Variants in RAI2 observed in about 807,000 individuals in gnomAD.
RAI2 encodes retinoic acid-induced protein 2.
A neutral mutation model predicts 15.3 loss-of-function variants in RAI2; 5 were observed. That is an observed-to-expected ratio of 0.33 (90% CI 0.17 to 0.69). The LOEUF is 0.69. RAI2 is among the 30% of genes least tolerant of loss of function. The pLI, the probability that RAI2 is intolerant of heterozygous loss-of-function variation, is 0.69. For missense variants in RAI2, 424 were observed against 424.7 expected, an observed-to-expected ratio of 1.00 and a Z score of 0.01; for synonymous variants, 191 against 184.0, an observed-to-expected ratio of 1.04 and a Z score of -0.31.
At chrX:17,860,863 G>C (rs1326551007) in intron 1 of RAI2, among the ~76,000 whole-genome samples, 5 of 105,183 alleles carry the variant, frequency 4.8e-5, no homozygotes, top group African/African-American at 1.3e-4. Context: ...GAACGGGAGC[G>C]GGGCCCCGGC....
At chrX:17,816,873 G>A (rs1161904212) in intron 1 of RAI2, among the ~76,000 whole-genome samples, 1 of 111,209 alleles carries the variant, frequency 9.0e-6, no homozygotes, top group Non-Finnish European at 1.9e-5. Context: ...GAAAGTGAGG[G>A]GCACCACTTC....
At chrX:17,803,455 C>T (rs893037707) in intron 1 of RAI2, among the ~76,000 whole-genome samples, 16 of 110,235 alleles carry the variant, frequency 1.5e-4, no homozygotes, top group African/African-American at 5.0e-4. Flanking sequence ...GGCTTGAACT[C>T]AGGAGGCGGA....
chrX:17,861,026 C>G (rs2147296663), intron 1 of RAI2, 72 bp downstream of exon 1: 1 of 106,101 alleles, frequency 9.4e-6, no homozygotes, highest in Admixed American at 9.7e-5. Flanking sequence ...GCGCCCCCTG[C>G]GTCCCGGTGG....
At chrX:17,827,424 A>G (rs190265936) in intron 1 of RAI2, among the ~76,000 whole-genome samples, 1 of 112,657 alleles carries the variant, frequency 8.9e-6, no homozygotes, top group African/African-American at 3.2e-5. Flanking sequence ...TGTTTTATTT[A>G]CAATACACTT....
rs1601896836 is a variant in RAI2 at position 17,801,333 on chromosome X, T to G, written c.678A>C (p.Pro226=). Residue 226 remains proline, a synonymous_variant, in exon 2 of 2, where the codon CCA becomes CCC. Coordinates refer to ENST00000451717, the MANE Select transcript of RAI2 (RefSeq NM_021785.6). The part of the protein sequence containing the change: ...PFSSPLSPLV[P]PATLLVPYPV... ...GATACGGCACCAAGAGGGTGGCTGG[T>G]GGGACCAGGGGGGACAAGGGGGAGC... 2 of 1,090,025 alleles carry G rather than the reference T, an allele frequency of 1.8e-6. No homozygotes were observed. The highest frequency in any genetic ancestry group is 1.2e-6 in the Non-Finnish European group (1 of 835,538). 89.8% of individuals were successfully genotyped at this position (1,090,025 alleles called of 1,213,427 possible).
intron 1 of RAI2, among the ~76,000 whole-genome samples, chrX:17,850,079 T>C (rs890296162): frequency 1.8e-5 from 2 of 111,984 alleles, no homozygotes; most frequent in African/African-American, 6.5e-5. Flanking sequence ...CCTTACTGAA[T>C]GCCAGTCGAA....
At chrX:17,829,767 T>C (rs1177979086) in intron 1 of RAI2, among the ~76,000 whole-genome samples, 1 of 112,874 alleles carries the variant, frequency 8.9e-6, no homozygotes, top group Non-Finnish European at 1.9e-5. Flanking sequence ...ACTTGTAAAA[T>C]TCCCCCTTTG....
At chrX:17,812,803 T>C (rs1308274278) in intron 1 of RAI2, among the ~76,000 whole-genome samples, 2 of 111,517 alleles carry the variant, frequency 1.8e-5, no homozygotes, top group Non-Finnish European at 3.8e-5. Context: ...CTTTTTGAGG[T>C]AACTAGGCAA....
At chrX:17,825,879 C>G (rs2067220670) in intron 1 of RAI2, among the ~76,000 whole-genome samples, 1 of 112,578 alleles carries the variant, frequency 8.9e-6, no homozygotes, top group Non-Finnish European at 1.9e-5. Flanking sequence ...GCAAAGAGAA[C>G]AGCTGCCCTC....
intron 1 of RAI2, among the ~76,000 whole-genome samples, chrX:17,830,002 T>C (rs1331326704): frequency 8.9e-6 from 1 of 112,602 alleles, no homozygotes; most frequent in South Asian, 3.6e-4. Context: ...GAGAGAACCT[T>C]CCCCTTTTCA....
At chrX:17,845,934 C>T (rs57018120) in intron 1 of RAI2, among the ~76,000 whole-genome samples, 53 of 112,164 alleles carry the variant, frequency 4.7e-4, no homozygotes, top group African/African-American at 1.7e-3. Context: ...GATTTGTTCA[C>T]TCATCTGAAA....
intron 1 of RAI2, among the ~76,000 whole-genome samples, chrX:17,826,807 GCTCT>G (rs946904258): frequency 9.0e-6 from 1 of 111,233 alleles, no homozygotes; most frequent in African/African-American, 3.3e-5. Flanking sequence ...CCCCCCTCAT[GCTCT>G]CTCTTTCCTG....
chrX:17,857,395 T>C (rs1362766396), intron 1 of RAI2, among the ~76,000 whole-genome samples: 1 of 111,804 alleles, frequency 8.9e-6, no homozygotes. Context: ...TAACGATACA[T>C]TTGCATAGCA....
chrX:17,847,810 G>C (rs1052300788), intron 1 of RAI2, among the ~76,000 whole-genome samples: 5 of 112,094 alleles, frequency 4.5e-5, no homozygotes, highest in African/African-American at 1.6e-4. Flanking sequence ...AGTTAACAGC[G>C]GGTTTGGCTG....
intron 1 of RAI2, among the ~76,000 whole-genome samples, chrX:17,806,593 G>C (rs1478684738): frequency 1.8e-5 from 2 of 110,906 alleles, no homozygotes; most frequent in Non-Finnish European, 3.8e-5. Context: ...GGAGACAGTG[G>C]GGAAAAGACT....
rs1356020416 is a variant in RAI2 at position 17,833,471 on chromosome X, G to A, written c.-25+27627C>T. Among the ~76,000 whole-genome samples the A allele has an allele frequency of 3.6e-5, 4 of 111,920 alleles. No individual in the cohort carries two copies. The East Asian group carries it at 1.1e-3, about 31-fold the overall frequency. ...CGGGAGGTGAAGGTTGCAGTAAGCT[G>A]AGATCATGCCACTGCACTCCAGCCT... On this transcript the variant is annotated intron_variant, in intron 1 of 1. Transcript: ENST00000451717.
chrX:17,812,483 TA>T (rs2067060576), intron 1 of RAI2, among the ~76,000 whole-genome samples: 1 of 111,631 alleles, frequency 9.0e-6, no homozygotes, highest in Admixed American at 9.5e-5. Context: ...GGAAGACAAA[TA>T]AATACACAAA....
At chrX:17,806,757 G>T (rs1275492336) in intron 1 of RAI2, among the ~76,000 whole-genome samples, 1 of 111,171 alleles carries the variant, frequency 9.0e-6, no homozygotes, top group Admixed American at 9.5e-5. Flanking sequence ...ATTGGCTCAC[G>T]GTTCTGTGGG....
At chrX:17,834,564 G>T (rs1231241716) in intron 1 of RAI2, among the ~76,000 whole-genome samples, 3 of 109,896 alleles carry the variant, frequency 2.7e-5, no homozygotes. Context: ...ATTTGACAAC[G>T]TCTAGGTCTT....
Sources: allele counts gnomAD v4.1 joint callset (sites outside exome capture counted in the v4.1 genomes callset), GRCh38; gene constraint gnomAD v4.1.1; transcripts MANE v1.5; gene names NCBI Gene and HGNC (gene_info 2026-07-23, HGNC 2026-07-21).